Variants in TGFBRAP1 observed in about 807,000 individuals in gnomAD.
TGFBRAP1 encodes transforming growth factor beta receptor associated protein 1.
A neutral mutation model predicts 83.2 loss-of-function variants in TGFBRAP1; 20 were observed. The ratio of observed to expected loss-of-function variants is 0.24; its 90% confidence interval spans 0.17 to 0.35. The LOEUF is 0.35. Among genes scored for constraint, TGFBRAP1 ranks in the 10% least tolerant of loss-of-function variants. TGFBRAP1 has a pLI of 1.00. For synonymous variants in TGFBRAP1, 415 were observed against 459.8 expected, an observed-to-expected ratio of 0.90 and a Z score of 1.25; for missense variants, 950 against 1,099.4, an observed-to-expected ratio of 0.86 and a Z score of 1.92.
At chr2:105,255,707 A>G in the TGFBRAP1 span, among the ~76,000 whole-genome samples, 1 of 152,076 alleles carries the variant, frequency 6.6e-6, no homozygotes, top group Non-Finnish European at 1.5e-5. Flanking sequence ...GTCGCCATCC[A>G]CCTGTGCCAA....
chr2:105,297,546 G>T (rs1678128445), intron 3 of TGFBRAP1, among the ~76,000 whole-genome samples: 1 of 152,224 alleles, frequency 6.6e-6, no homozygotes, highest in Non-Finnish European at 1.5e-5. Flanking sequence ...ACAGCACTTG[G>T]CACAGCAAGG....
At chr2:105,295,436 C>G (rs1678049317) in intron 4 of TGFBRAP1, among the ~76,000 whole-genome samples, 1 of 152,130 alleles carries the variant, frequency 6.6e-6, no homozygotes, top group African/African-American at 2.4e-5. Context: ...CATCAAGTAA[C>G]AGTTTTTAGG....
At chr2:105,288,525 G>A (rs1420052999) in intron 4 of TGFBRAP1, among the ~76,000 whole-genome samples, 2 of 152,004 alleles carry the variant, frequency 1.3e-5, no homozygotes, top group Non-Finnish European at 2.9e-5. Flanking sequence ...TCCTGGCATG[G>A]GGCAGACCAC....
intron 11 of TGFBRAP1, chr2:105,267,981 T>A: frequency 1.4e-6 from 1 of 711,150 alleles, no homozygotes; most frequent in Non-Finnish European, 1.7e-6. Context: ...ATAAGGGATG[T>A]AGTCAAAGTT....
At chr2:105,280,880 GA>G (rs1275388031) in intron 5 of TGFBRAP1, among the ~76,000 whole-genome samples, 157 bp from the exon 6 acceptor site, 2 of 152,192 alleles carry the variant, frequency 1.3e-5, no homozygotes, top group East Asian at 3.9e-4. Flanking sequence ...GTTCTAATCT[GA>G]AGTGCAGCAA....
chr2:105,305,361 G>A (rs373021765), intron 2 of TGFBRAP1, among the ~76,000 whole-genome samples: 59 of 152,276 alleles, frequency 3.9e-4, no homozygotes, highest in African/African-American at 1.1e-3. Context: ...AAAGGAATGC[G>A]CTCTCACCAG....
At chr2:105,277,450 T>G (rs1677386982) in intron 7 of TGFBRAP1, among the ~76,000 whole-genome samples, 164 bp downstream of exon 7, 1 of 152,146 alleles carries the variant, frequency 6.6e-6, no homozygotes, top group Admixed American at 6.5e-5. Flanking sequence ...CCAACATTTC[T>G]CCAGGAATTC....
intron 4 of TGFBRAP1, among the ~76,000 whole-genome samples, chr2:105,287,967 TG>T (rs1677773707): frequency 6.6e-6 from 1 of 152,048 alleles, no homozygotes; most frequent in African/African-American, 2.4e-5. Context: ...TCCTCAAACA[TG>T]GGGCCTCAGG....
At chr2:105,320,380 T>C (rs1414860399) in intron 1 of TGFBRAP1, among the ~76,000 whole-genome samples, 4 of 151,970 alleles carry the variant, frequency 2.6e-5, no homozygotes, top group Non-Finnish European at 4.4e-5. Context: ...TGTTATTTTC[T>C]CATTTTACAG....
At chr2:105,296,096 A>C (rs976723874) in intron 4 of TGFBRAP1, among the ~76,000 whole-genome samples, 2 of 152,246 alleles carry the variant, frequency 1.3e-5, no homozygotes, top group African/African-American at 4.8e-5. Context: ...GCCTATATCT[A>C]AAATAGCAGA....
intron 2 of TGFBRAP1, among the ~76,000 whole-genome samples, chr2:105,307,052 A>G (rs1003175829): frequency 2.6e-5 from 4 of 152,158 alleles, no homozygotes; most frequent in Non-Finnish European, 5.9e-5. Flanking sequence ...GGTGGGAGGA[A>G]AAGGTGGGGA....
chr2:105,273,045 G>C, intron 9 of TGFBRAP1, 31 bp from the exon 10 acceptor site: 1 of 1,601,186 alleles, frequency 6.2e-7, no homozygotes, highest in Non-Finnish European at 8.5e-7. Context: ...CAAGCAGACA[G>C]ACAGTGTTTT....
At chr2:105,289,252 T>A (rs1573182995) in intron 4 of TGFBRAP1, among the ~76,000 whole-genome samples, 1 of 151,970 alleles carries the variant, frequency 6.6e-6, no homozygotes, top group East Asian at 1.9e-4. Flanking sequence ...CACAAAAAAT[T>A]GCAACACTGG....
At chr2:105,310,926 C>A (rs886352772) in intron 1 of TGFBRAP1, among the ~76,000 whole-genome samples, 3 of 151,976 alleles carry the variant, frequency 2.0e-5, no homozygotes, top group South Asian at 2.1e-4. Context: ...TCTCCCTTTG[C>A]GGAAGGAATA....
chr2:105,304,460 A>C (rs1392201732), intron 2 of TGFBRAP1, among the ~76,000 whole-genome samples: 1 of 152,254 alleles, frequency 6.6e-6, no homozygotes, highest in Non-Finnish European at 1.5e-5. Flanking sequence ...TATGGTGTGA[A>C]GCCATAAAAA....
At chr2:105,295,452 C>T (rs1678050007) in intron 4 of TGFBRAP1, among the ~76,000 whole-genome samples, 2 of 152,028 alleles carry the variant, frequency 1.3e-5, no homozygotes, top group South Asian at 2.1e-4. Flanking sequence ...TTAGGAGACC[C>T]GATTTATATC....
chr2:105,320,645 C>A (rs1284000812), intron 1 of TGFBRAP1, among the ~76,000 whole-genome samples: 2 of 152,182 alleles, frequency 1.3e-5, no homozygotes, highest in Non-Finnish European at 2.9e-5. Flanking sequence ...CTCAGCCAAC[C>A]TTTCCTCCTT....
At chr2:105,322,892 G>C (rs1679109373) in intron 1 of TGFBRAP1, among the ~76,000 whole-genome samples, 1 of 152,146 alleles carries the variant, frequency 6.6e-6, no homozygotes, top group Non-Finnish European at 1.5e-5. Flanking sequence ...AGTTGCCATA[G>C]ATCCTAACAG....
chr2:105,253,063 C>G, the TGFBRAP1 span, among the ~76,000 whole-genome samples: 11 of 151,728 alleles, frequency 7.2e-5, no homozygotes, highest in Admixed American at 4.6e-4. Flanking sequence ...CAAGGTGATA[C>G]TAACATCTTA....
Sources: allele counts gnomAD v4.1 joint callset (sites outside exome capture counted in the v4.1 genomes callset), GRCh38; gene constraint gnomAD v4.1.1; transcripts MANE v1.5; gene names NCBI Gene and HGNC (gene_info 2026-07-23, HGNC 2026-07-21).